KITLG: variants seen among roughly 807,000 people sequenced by gnomAD.
KITLG encodes the protein c-Kit ligand.
Under a neutral mutation model 34.1 loss-of-function variants are expected in KITLG, and 13 were observed. The observed-to-expected ratio is 0.38, with a 90% CI of 0.25 to 0.61. The LOEUF (loss-of-function observed/expected upper bound fraction) is 0.61. Among genes scored for constraint, KITLG ranks in the 20% least tolerant of loss-of-function variants. KITLG has a pLI of 0.60. For missense variants in KITLG, 292 were observed against 318.9 expected, an observed-to-expected ratio of 0.92 and a Z score of 0.64; for synonymous variants, 110 against 104.0, an observed-to-expected ratio of 1.06 and a Z score of -0.35.
chr12:88,494,940 C>T lies in KITLG; in HGVS notation c.*2279G>A, dbSNP rs1267580634. 6.6e-6 allele frequency: 1 copy of T among 151,972 alleles called. No homozygotes were observed. The allele number at this position is 151,972 out of a possible 1,614,324, so 9.4% of individuals were successfully genotyped here. On this transcript the variant is annotated 3_prime_UTR_variant, in exon 10 of 10. Coordinates refer to ENST00000644744, the MANE Select transcript of KITLG (RefSeq NM_000899.5). ...AGAAATAACACAGTTAATGTCCAAG[C>T]AGCTAGCATCCAAAATAATGTTCAG...
intron 6 of KITLG, among the ~76,000 whole-genome samples, chr12:88,514,734 A>T (rs1275976069): frequency 6.6e-6 from 1 of 151,712 alleles, no homozygotes; most frequent in Non-Finnish European, 1.5e-5. Context: ...CATTGTAACA[A>T]GCTATTATGA....
intron 1 of KITLG, among the ~76,000 whole-genome samples, chr12:88,547,176 T>C (rs1411316883): frequency 6.6e-6 from 1 of 152,240 alleles, no homozygotes; most frequent in African/African-American, 2.4e-5. Flanking sequence ...GCTAGAAATC[T>C]TCTCTATTTA....
At chr12:88,532,884 T>A (rs1385685597) in intron 2 of KITLG, among the ~76,000 whole-genome samples, 1 of 152,098 alleles carries the variant, frequency 6.6e-6, no homozygotes. Context: ...ATGTCAGTGG[T>A]TCTCAAAATG....
At chr12:88,548,153 A>C (rs903667200) in intron 1 of KITLG, among the ~76,000 whole-genome samples, 23 of 152,066 alleles carry the variant, frequency 1.5e-4, no homozygotes, top group Non-Finnish European at 1.3e-4. Flanking sequence ...TGTACTGCTG[A>C]GTTTTAAGAA....
intron 1 of KITLG, among the ~76,000 whole-genome samples, chr12:88,570,029 C>A (rs1385604644): frequency 6.6e-6 from 1 of 152,072 alleles, no homozygotes; most frequent in East Asian, 1.9e-4. Context: ...ACATTTAAAA[C>A]CATCTTCCAA....
At chr12:88,521,466 C>T (rs548924867) in intron 3 of KITLG, among the ~76,000 whole-genome samples, 42 of 152,148 alleles carry the variant, frequency 2.8e-4, no homozygotes, top group Admixed American at 8.5e-4. Context: ...AATTTACAAA[C>T]GTACTTTTTG....
chr12:88,500,825 G>A (rs932542684), intron 9 of KITLG, among the ~76,000 whole-genome samples: 1 of 152,128 alleles, frequency 6.6e-6, no homozygotes, highest in East Asian at 1.9e-4. Flanking sequence ...TATCACCCAG[G>A]TTGGAATGCT....
Position 88,515,137 on chromosome 12 carries a change from C to T in KITLG, c.604+397G>A, listed in dbSNP as rs146185900. ...TACAACCAGCATTTATACAATTAAACTTCCGTTTTTGTCAGACACATTCCA... is the reference window on the plus strand; with the variant it reads ...TACAACCAGCATTTATACAATTAAATTTCCGTTTTTGTCAGACACATTCCA... On this transcript the variant is annotated intron_variant, in intron 6 of 9. Coordinates refer to ENST00000644744, the MANE Select transcript of KITLG (RefSeq NM_000899.5). Among the ~76,000 whole-genome samples, 558 of 151,810 alleles carry T rather than the reference C, an allele frequency of 3.7e-3. 3 individuals are homozygous for T. The highest frequency in any genetic ancestry group is 9.7e-3 in the South Asian group (47 of 4,826).
chr12:88,528,878 G>A lies in KITLG; in HGVS notation c.192+3563C>T, dbSNP rs545531355. Among the ~76,000 whole-genome samples, 3 of 152,238 alleles carry A rather than the reference G, an allele frequency of 2.0e-5. No individual in the cohort carries two copies. In the East Asian group the frequency reaches 5.8e-4, roughly 29 times the overall value. ...ATTATTTGCAAATAAAAAACTAAAA[G>A]AAAACTGATGAATATATACTTTAAG... On this transcript the variant is annotated intron_variant, in intron 3 of 9. Coordinates refer to ENST00000644744, the MANE Select transcript of KITLG (RefSeq NM_000899.5).
rs192000018 is a variant in KITLG at position 88,536,427 on chromosome 12, C to T, written c.130-3924G>A. Among the ~76,000 whole-genome samples, 45 of 152,200 alleles carry T rather than the reference C, an allele frequency of 3.0e-4. No homozygotes were observed. The East Asian group carries it at 6.2e-3, about 21-fold the overall frequency. On this transcript the variant is annotated intron_variant, in intron 2 of 9. Coordinates refer to ENST00000644744, the MANE Select transcript of KITLG (RefSeq NM_000899.5). ...TCAACCATTGTGGAAGATAGTGTAG[C>T]GATTCCTCAAGGATCTAGAACCAGA... is the stretch of plus-strand genomic sequence containing the variant.
At chr12:88,532,829 C>T (rs927150498) in intron 2 of KITLG, among the ~76,000 whole-genome samples, 5 of 152,078 alleles carry the variant, frequency 3.3e-5, no homozygotes, top group Non-Finnish European at 5.9e-5. Context: ...GGACTATTTT[C>T]CTACTTGTTC....
At chr12:88,539,331 A>G (rs774695914) in intron 2 of KITLG, among the ~76,000 whole-genome samples, 2 of 152,112 alleles carry the variant, frequency 1.3e-5, no homozygotes, top group East Asian at 3.9e-4. Flanking sequence ...TGCTGTGCCT[A>G]TGTCAACTTT....
intron 1 of KITLG, among the ~76,000 whole-genome samples, chr12:88,573,423 T>G (rs989363463): frequency 1.3e-5 from 2 of 152,168 alleles, no homozygotes; most frequent in African/African-American, 4.8e-5. Flanking sequence ...TCCTTCACAA[T>G]AGACCACCAT....
intron 1 of KITLG, among the ~76,000 whole-genome samples, chr12:88,555,542 T>G (rs1172619492): frequency 6.6e-6 from 1 of 152,206 alleles, no homozygotes; most frequent in African/African-American, 2.4e-5. Flanking sequence ...CTACTAAATT[T>G]TATTTTAAAG....
intron 9 of KITLG, among the ~76,000 whole-genome samples, chr12:88,499,488 A>T (rs548757302): frequency 1.3e-5 from 2 of 152,276 alleles, no homozygotes; most frequent in Non-Finnish European, 2.9e-5. Context: ...ACACGGGGCC[A>T]TTTCTGTGAC....
chr12:88,562,295 A>C (rs1871322284), intron 1 of KITLG, among the ~76,000 whole-genome samples: 1 of 152,248 alleles, frequency 6.6e-6, no homozygotes, highest in African/African-American at 2.4e-5. Flanking sequence ...GAATAAACCC[A>C]GGTACATATA....
At chr12:88,550,122 C>T (rs1195577093) in intron 1 of KITLG, among the ~76,000 whole-genome samples, 2 of 152,094 alleles carry the variant, frequency 1.3e-5, no homozygotes, top group Admixed American at 1.3e-4. Context: ...ATGAGATTAA[C>T]CAGAAACAGT....
At position 88,495,707 on chromosome 12, in the gene KITLG, TTG is replaced by T. The variant is rs1052806348; in HGVS notation, c.*1510_*1511del. On this transcript the variant is annotated 3_prime_UTR_variant, in exon 10 of 10. Transcript: ENST00000644744. The stretch of plus-strand genomic sequence containing the variant: ...CTAGCAGTTAGTTTTTCATGCCCTT[TTG>T]TGTCACTACATTGAAAACTGTCATC... 1.4e-4 allele frequency: 21 copies of T among 152,516 alleles called. 2 individuals are homozygous for T. The highest frequency in any genetic ancestry group is 9.2e-4 in the Admixed American group (14 of 15,264). The allele number at this position is 152,516 out of a possible 1,614,324, so 9.4% of individuals were successfully genotyped here.
chr12:88,506,970 A>T, intron 7 of KITLG, 58 bp downstream of exon 7: 1 of 956,832 alleles, frequency 1.0e-6, no homozygotes, highest in South Asian at 1.3e-5. Flanking sequence ...TGAGGAAAAA[A>T]AGATGATAAT....
Sources: gnomAD v4.1 joint callset for allele counts (sites outside exome capture counted in the v4.1 genomes callset) on GRCh38, gnomAD v4.1.1 for gene constraint, MANE v1.5 for transcripts, NCBI Gene and HGNC (gene_info 2026-07-23, HGNC 2026-07-21) for gene names.